The following MIB1 variants were observed in gnomAD, a reference collection of about 807,000 sequenced individuals.
MIB1 encodes the protein E3 ubiquitin-protein ligase MIB1.
In MIB1, 278 loss-of-function variants were observed where a neutral mutation model predicts 124.5. The ratio of observed to expected loss-of-function variants is 2.23; its 90% CI spans 2.02 to 2.47. The LOEUF is 2.47. Ranked by LOEUF, MIB1 falls within the 30% of genes most tolerant of loss-of-function variation. The pLI is 0.00. For synonymous variants in MIB1, 446 were observed against 429.4 expected (o/e 1.04, Z -0.48); for missense variants, 957 against 1,254.4 (o/e 0.76, Z 3.58).
chr18:21,736,159 G>C (rs1412936073), upstream of MIB1, among the ~76,000 whole-genome samples: 2 of 152,232 alleles, frequency 1.3e-5, no homozygotes, highest in Non-Finnish European at 2.9e-5. Flanking sequence ...GCCCCTCTGG[G>C]ATGGAGCTTC....
intron 11 of MIB1, 28 bp from the exon 12 acceptor site, chr18:21,819,467 A>C: frequency 6.9e-7 from 1 of 1,448,738 alleles, no homozygotes; most frequent in Non-Finnish European, 9.5e-7. Flanking sequence ...TAATTGAAGA[A>C]CTAATGAAAA....
In MIB1 at chr18:21,847,386, T is replaced by A. The variant is rs140412943; in HGVS notation, c.2393+261T>A. Among the ~76,000 whole-genome samples the A allele has an allele frequency of 4.1e-4, 63 of 152,318 alleles. No individual in the cohort carries two copies. In the Middle Eastern group the frequency reaches 0.01, roughly 25 times the overall value. On this transcript the variant is annotated intron_variant, in intron 16 of 20. Transcript: ENST00000261537. ...GTTCTGAGAAACTTTTCTAAACTAG[T>A]CTGATCTTCTAGTACTCCCATGTGT...
intron 1 of MIB1, among the ~76,000 whole-genome samples, chr18:21,706,230 C>T (rs1485828457): frequency 2.6e-5 from 4 of 152,114 alleles, no homozygotes; most frequent in African/African-American, 9.7e-5. Flanking sequence ...TACAGGCATG[C>T]ACAACCACAC....
intron 1 of MIB1, among the ~76,000 whole-genome samples, chr18:21,725,765 A>G (rs868514129): frequency 6.9e-6 from 1 of 144,846 alleles, no homozygotes; most frequent in Non-Finnish European, 1.5e-5. Flanking sequence ...GAAGGAAGGA[A>G]GGAGGGAGGG....
rs201690795 is a variant in MIB1 at position 21,857,278 on chromosome 18, C to CT, written c.2779+43dup. On this transcript the variant is annotated intron_variant, in intron 19 of 20. Transcript: ENST00000261537. ...TTGTCTTAAGCATTTTCATATTTTGCTTTTTTTTGGGACTTGCATAAACAC... is the reference window on the plus strand; with the variant it reads ...TTGTCTTAAGCATTTTCATATTTTGCTTTTTTTTTGGGACTTGCATAAACAC... The CT allele has an allele frequency of 3.2e-4, 475 of 1,474,968 alleles. 2 individuals carry two copies. Among genetic ancestry groups the CT allele is most frequent in the African/African-American group, 2.0e-3 (147 of 72,284 alleles). The allele number at this position is 1,474,968 out of a possible 1,614,324, so 91.4% of individuals were successfully genotyped here.
intron 10 of MIB1, 77 bp downstream of exon 10, chr18:21,804,091 T>C: frequency 9.1e-7 from 1 of 1,101,528 alleles, no homozygotes; most frequent in Non-Finnish European, 1.3e-6. Flanking sequence ...AGATGGATTG[T>C]TTTTATTTTT....
At chr18:21,766,116 G>C (rs558920020) in intron 2 of MIB1, among the ~76,000 whole-genome samples, 173 bp downstream of exon 2, 4 of 152,340 alleles carry the variant, frequency 2.6e-5, no homozygotes. Context: ...CAAGAGAAGA[G>C]CTCTTTGAAG....
chr18:21,828,381 G>A (rs1480606513), intron 12 of MIB1: 1 of 151,842 alleles, frequency 6.6e-6, no homozygotes, highest in Non-Finnish European at 1.5e-5. Context: ...CACATTTAAA[G>A]TAGAGATTTG....
chr18:21,817,670 C>G, intron 11 of MIB1: 1 of 439,536 alleles, frequency 2.3e-6, no homozygotes, highest in Admixed American at 2.5e-5. Flanking sequence ...GCTTTGTCCA[C>G]ATGGCTTAGG....
At chr18:21,718,760 T>G (rs778514607) in intron 1 of MIB1, among the ~76,000 whole-genome samples, 26 of 152,230 alleles carry the variant, frequency 1.7e-4, no homozygotes, top group Non-Finnish European at 8.8e-5. Flanking sequence ...TTGGTGTTAG[T>G]AGACAAAGGA....
At chr18:21,773,782 C>T in intron 4 of MIB1, 54 bp downstream of exon 4, 1 of 981,840 alleles carries the variant, frequency 1.0e-6, no homozygotes, top group Non-Finnish European at 1.5e-6. Flanking sequence ...GGGTGAATAG[C>T]TCTTACTGCT....
chr18:21,816,319 T>C (rs998665521), intron 11 of MIB1, among the ~76,000 whole-genome samples: 1 of 152,166 alleles, frequency 6.6e-6, no homozygotes, highest in South Asian at 2.1e-4. Context: ...GAAATGATTA[T>C]CCCCAGCTAC....
At chr18:21,845,212 A>T (rs1389624258) in intron 15 of MIB1, among the ~76,000 whole-genome samples, 2 of 151,754 alleles carry the variant, frequency 1.3e-5, no homozygotes, top group African/African-American at 4.8e-5. Context: ...ACGGGGTTTC[A>T]CCTTAGCCAG....
chr18:21,863,059 C>G (rs2042290078), intron 20 of MIB1, among the ~76,000 whole-genome samples: 1 of 152,110 alleles, frequency 6.6e-6, no homozygotes, highest in Non-Finnish European at 1.5e-5. Context: ...TTTTCTCAAC[C>G]CCTTTGTCAT....
intron 1 of MIB1, among the ~76,000 whole-genome samples, chr18:21,719,985 T>C (rs1393174627): frequency 6.6e-6 from 1 of 152,138 alleles, no homozygotes; most frequent in African/African-American, 2.4e-5. Flanking sequence ...GAATAAAACG[T>C]TTAAAAAAAG....
intron 6 of MIB1, among the ~76,000 whole-genome samples, chr18:21,784,681 T>C (rs1009525605): frequency 4.6e-5 from 7 of 152,238 alleles, no homozygotes; most frequent in Non-Finnish European, 8.8e-5. Flanking sequence ...TGAAGGGACA[T>C]GGTGAGAAGT....
intron 1 of MIB1, chr18:21,712,125 T>C (rs943552177): frequency 4.8e-5 from 8 of 166,830 alleles, no homozygotes; most frequent in Non-Finnish European, 9.3e-5. Context: ...AAGTTGTTTA[T>C]TTTTAAAAAT....
intron 12 of MIB1, among the ~76,000 whole-genome samples, chr18:21,834,469 T>C (rs546734607): frequency 6.6e-5 from 10 of 152,248 alleles, no homozygotes; most frequent in Non-Finnish European, 1.5e-4. Flanking sequence ...AGTTTAGAGA[T>C]ACGGAAATGT....
intron 1 of MIB1, among the ~76,000 whole-genome samples, chr18:21,732,463 C>G (rs967688820): frequency 4.0e-5 from 6 of 151,392 alleles, no homozygotes; most frequent in African/African-American, 1.5e-4. Flanking sequence ...GTAGCATGAT[C>G]TAGGCTTACT....
Sources: allele counts gnomAD v4.1 joint callset (sites outside exome capture counted in the v4.1 genomes callset), GRCh38; gene constraint gnomAD v4.1.1; transcripts MANE v1.5; gene names NCBI Gene and HGNC (gene_info 2026-07-23, HGNC 2026-07-21).